The following CLCA2 variants were observed in gnomAD, a reference collection of about 807,000 sequenced individuals.
CLCA2 encodes chloride channel accessory 2.
In CLCA2, 85 loss-of-function variants were observed where a neutral mutation model predicts 82.9. The ratio of observed to expected loss-of-function variants is 1.03; its 90% CI spans 0.86 to 1.23. CLCA2 has a LOEUF of 1.23. Among genes scored for constraint, CLCA2 ranks in the 50% most tolerant of loss-of-function variants. The pLI is 0.00. For missense variants in CLCA2, 1,089 were observed against 1,124.8 expected (o/e 0.97, Z 0.45); for synonymous variants, 421 against 391.7 (o/e 1.07, Z -0.88).
intron 7 of CLCA2, 145 bp from the exon 8 acceptor site, chr1:86,440,003 C>T (rs549792447): frequency 1.9e-4 from 137 of 707,240 alleles, no homozygotes; most frequent in Non-Finnish European, 2.7e-4. Context: ...GTGACAAGTG[C>T]TGTGATGGGG....
intron 10 of CLCA2, among the ~76,000 whole-genome samples, chr1:86,444,373 A>G (rs1343013376): frequency 6.6e-6 from 1 of 152,212 alleles, no homozygotes; most frequent in African/African-American, 2.4e-5. Context: ...CATGCAATGC[A>G]TGTGGTTTTT....
chr1:86,443,179 A>G (rs1202407917), intron 9 of CLCA2, among the ~76,000 whole-genome samples: 2 of 152,074 alleles, frequency 1.3e-5, no homozygotes, highest in Non-Finnish European at 2.9e-5. Context: ...GGCACATGCC[A>G]CCACACCTGA....
chr1:86,427,033 A>C (rs922715670), intron 2 of CLCA2, among the ~76,000 whole-genome samples: 5 of 152,154 alleles, frequency 3.3e-5, no homozygotes, highest in African/African-American at 1.2e-4. Flanking sequence ...AATGTCAATT[A>C]AGCAAACAGT....
chr1:86,431,149 A>G (rs1350287465), intron 4 of CLCA2, among the ~76,000 whole-genome samples, 179 bp downstream of exon 4: 1 of 152,156 alleles, frequency 6.6e-6, no homozygotes, highest in African/African-American at 2.4e-5. Context: ...TTTTTCTTTA[A>G]ATTGGTATTT....
At chr1:86,427,069 G>T (rs890014988) in intron 2 of CLCA2, among the ~76,000 whole-genome samples, 1 of 152,114 alleles carries the variant, frequency 6.6e-6, no homozygotes, top group Admixed American at 6.6e-5. Context: ...ACGGGACCAC[G>T]CTAGGCACTT....
At chr1:86,434,459 G>T (rs1018803886) in intron 5 of CLCA2, 59 bp from the exon 6 acceptor site, 19 of 1,411,240 alleles carry the variant, frequency 1.3e-5, no homozygotes, top group Middle Eastern at 1.8e-4. Context: ...TTGAGAATGA[G>T]AACTATGTTT....
At chr1:86,432,745 G>C (rs1478897287) in intron 5 of CLCA2, among the ~76,000 whole-genome samples, 1 of 152,084 alleles carries the variant, frequency 6.6e-6, no homozygotes, top group South Asian at 2.1e-4. Context: ...TTCCTGGGAG[G>C]TTTAACAAAG....
At chr1:86,450,173 A>ATT (rs1264527751) in intron 11 of CLCA2, among the ~76,000 whole-genome samples, 2 of 152,204 alleles carry the variant, frequency 1.3e-5, no homozygotes, top group Admixed American at 1.3e-4. Flanking sequence ...GTGCATATAT[A>ATT]TTTATTTCCT....
At chr1:86,441,678 A>C in intron 9 of CLCA2, 135 bp downstream of exon 9, 1 of 565,444 alleles carries the variant, frequency 1.8e-6, no homozygotes, top group Non-Finnish European at 3.1e-6. Flanking sequence ...GAAGGCTTTT[A>C]AAAGGCTGCT....
chr1:86,441,534 A>C lies in CLCA2; in HGVS notation c.1479A>C (p.Gln493His). 1.2e-6 allele frequency: 2 copies of C among 1,606,202 alleles called. No individual in the cohort carries two copies. The highest frequency in any genetic ancestry group is 1.1e-5 in the South Asian group (1 of 90,876). Residue 493 changes from glutamine to histidine, a missense_variant, in exon 9 of 14, where the codon CAA becomes CAC. Transcript: ENST00000370565. Reference sequence around the variant, plus strand: ...CTGGAACTGGAGACATTTTCCAGCAACATATTCAGGTCAGAATTTTCTCAA... The same window carrying C: ...CTGGAACTGGAGACATTTTCCAGCACCATATTCAGGTCAGAATTTTCTCAA... ...ISSGTGDIFQ[Q>H]HIQLESTGEN...
chr1:86,432,525 T>C lies in CLCA2; in HGVS notation c.741T>C (p.Ser247=). 6.2e-7 allele frequency: 1 copy of C among 1,613,512 alleles called. No homozygotes were observed. The highest frequency in any genetic ancestry group is 1.1e-5 in the South Asian group (1 of 90,908). Residue 247 remains serine (S), a synonymous_variant, in exon 5 of 14, where the codon TCT becomes TCC. Coordinates refer to ENST00000370565, the MANE Select transcript of CLCA2 (RefSeq NM_006536.7). ...CAATAATGTTCATGCAAAGTTTATC[T>C]TCTGTAAGTATGCCCTTGGAATGAC... ...TASIMFMQSL[S]SVVEFCNAST...
Position 86,443,768 on chromosome 1 carries a change from T to A in CLCA2, c.1489-19T>A. ...TATGCATACACCAGAAACTCTCATA[T>A]ATATCTTCTCTTTAACAGCTTGAAA... On this transcript the variant is annotated intron_variant, in intron 9 of 13. Transcript: ENST00000370565. The A allele has an allele frequency of 6.3e-7, 1 of 1,586,110 alleles. No homozygotes were observed. Among genetic ancestry groups the A allele is most frequent in the Non-Finnish European group, 8.6e-7 (1 of 1,156,340 alleles).
At position 86,453,602 on chromosome 1, in the gene CLCA2, G is replaced by T. The variant is rs528074724; in HGVS notation, c.2389G>T (p.Ala797Ser). 1.9e-5 allele frequency: 30 copies of T among 1,612,772 alleles called. No homozygotes were observed. In the East Asian group the frequency reaches 5.8e-4, roughly 31 times the overall value. ...APGEDFDQGQ[A>S]TSYEIRMSKS... The stretch of plus-strand genomic sequence containing the variant: ...TGGAGAAGACTTTGATCAGGGCCAG[G>T]GTAGGTTTGCTCATTTCATTACCTA... Residue 797 changes from alanine (A) to serine (S), a missense_variant and splice_region_variant, in exon 13 of 14, where the codon GCT becomes TCT. Coordinates refer to ENST00000370565, the MANE Select transcript of CLCA2 (RefSeq NM_006536.7).
At chr1:86,454,023 T>C (rs1035932765) in intron 13 of CLCA2, among the ~76,000 whole-genome samples, 1 of 152,238 alleles carries the variant, frequency 6.6e-6, no homozygotes, top group African/African-American at 2.4e-5. Context: ...TTTTGTTTAC[T>C]ACTTCTGGCC....
intron 9 of CLCA2, among the ~76,000 whole-genome samples, chr1:86,442,400 T>C (rs147366057): frequency 1.2e-3 from 176 of 152,258 alleles, no homozygotes; most frequent in African/African-American, 4.0e-3. Flanking sequence ...TTTAAAGAAG[T>C]AAAAAATAAA....
intron 6 of CLCA2, among the ~76,000 whole-genome samples, chr1:86,436,094 C>A (rs1194772754): frequency 6.6e-6 from 1 of 152,182 alleles, no homozygotes; most frequent in African/African-American, 2.4e-5. Flanking sequence ...GGAGTTGCAA[C>A]AGAGAACTTA....
In CLCA2 at chr1:86,429,075, C is replaced by G. The variant is rs117728070; in HGVS notation, c.475+507C>G. On this transcript the variant is annotated intron_variant, in intron 3 of 13. Coordinates refer to ENST00000370565, the MANE Select transcript of CLCA2 (RefSeq NM_006536.7). ...ATTTTCAAGTCACCACTCAAGGTTT[C>G]TAAGCACAGGAGTGACTCCATCAAA... Among the ~76,000 whole-genome samples, 16 of 152,192 alleles carry G rather than the reference C, an allele frequency of 1.1e-4. No individual in the cohort carries two copies. In the East Asian group the frequency reaches 3.1e-3, roughly 29 times the overall value.
chr1:86,426,768 C>T (rs1262000793), intron 2 of CLCA2, among the ~76,000 whole-genome samples: 1 of 152,130 alleles, frequency 6.6e-6, no homozygotes, highest in Admixed American at 6.5e-5. Context: ...AAAACCCATG[C>T]TTTTTGCACT....
In CLCA2 at chr1:86,447,762, C is replaced by G. The variant is rs749155176; in HGVS notation, c.1968C>G (p.Leu656=). Residue 656 remains leucine (L), a synonymous_variant, in exon 11 of 14, where the codon CTC becomes CTG. Transcript: ENST00000370565. ...CTGGAGATCCTGTTACGCTGAGACTCCTTGATGATGGAGCAGGTAACAAGG... is the reference window on the plus strand; with the variant it reads ...CTGGAGATCCTGTTACGCTGAGACTGCTTGATGATGGAGCAGGTAACAAGG... ...PETGDPVTLR[L]LDDGAGADVI... 1 of 1,612,856 alleles carries G rather than the reference C, an allele frequency of 6.2e-7. No homozygotes were observed. Among genetic ancestry groups the G allele is most frequent in the Non-Finnish European group, 8.5e-7 (1 of 1,179,900 alleles).
Sources: allele counts gnomAD v4.1 joint callset (sites outside exome capture counted in the v4.1 genomes callset), GRCh38; gene constraint gnomAD v4.1.1; transcripts MANE v1.5; gene names NCBI Gene and HGNC (gene_info 2026-07-23, HGNC 2026-07-21).